Variants in GPRIN3 observed in about 807,000 individuals in gnomAD.
The protein encoded by GPRIN3 is G protein-regulated inducer of neurite outgrowth 3.
Under a neutral mutation model 13.7 loss-of-function variants are expected in GPRIN3, and 12 were observed. The ratio of observed to expected loss-of-function variants is 0.87; its 90% CI spans 0.56 to 1.42. The LOEUF is 1.42. Ranked by LOEUF, GPRIN3 falls within the 40% of genes most tolerant of loss-of-function variation. The pLI, the probability that GPRIN3 is intolerant of heterozygous loss-of-function variation, is 0.00. For missense variants in GPRIN3, 1,009 were observed against 958.7 expected, an observed-to-expected ratio of 1.05 and a Z score of -0.69; for synonymous variants, 377 against 372.7, an observed-to-expected ratio of 1.01 and a Z score of -0.13.
intron 1 of GPRIN3, among the ~76,000 whole-genome samples, chr4:89,267,233 G>A (rs1231774364): frequency 3.3e-5 from 5 of 152,126 alleles, no homozygotes; most frequent in Non-Finnish European, 5.9e-5. Flanking sequence ...TAAAACTTCC[G>A]AGTTAACCAC....
At position 89,247,827 on chromosome 4, in the gene GPRIN3, G is replaced by A. The variant is rs1180703495; in HGVS notation, c.2284C>T (p.Arg762Cys). 2.5e-6 allele frequency: 4 copies of A among 1,613,964 alleles called. No homozygotes were observed. Among genetic ancestry groups the A allele is most frequent in the Admixed American group, 1.7e-5 (1 of 60,028 alleles). ...GCAGGACGGACGCAGCAGTTGGGGC[G>A]TCGGAAGTTCTGCAGCATGGACTGG... Reference protein sequence around the residue: ...VFQSMLQNFRRPNCCVRPAPS... With the variant: ...VFQSMLQNFRCPNCCVRPAPS... Residue 762 changes from arginine to cysteine, a missense_variant, in exon 2 of 2, where the codon CGC becomes TGC. Physicochemically the swap from Arg to Cys is radical, Grantham distance 180. Coordinates refer to ENST00000609438, the MANE Select transcript of GPRIN3 (RefSeq NM_198281.3).
chr4:89,256,916 C>G (rs13142984), intron 1 of GPRIN3, among the ~76,000 whole-genome samples: 84,181 of 152,028 alleles, frequency 0.55, 23,688 homozygotes, highest in South Asian at 0.71. Flanking sequence ...TTGCCTGGAT[C>G]ATTTGCATTC....
intron 1 of GPRIN3, among the ~76,000 whole-genome samples, chr4:89,276,606 G>T (rs1487665182): frequency 6.6e-6 from 1 of 152,180 alleles, no homozygotes; most frequent in African/African-American, 2.4e-5. Flanking sequence ...TGAAATCCTT[G>T]AAAGGTAAAA....
chr4:89,272,974 G>A (rs1357574776), intron 1 of GPRIN3, among the ~76,000 whole-genome samples: 1 of 152,118 alleles, frequency 6.6e-6, no homozygotes, highest in Non-Finnish European at 1.5e-5. Context: ...AGCACATAGA[G>A]CTTTAGAAGT....
At chr4:89,269,918 G>A (rs1723881744) in intron 1 of GPRIN3, among the ~76,000 whole-genome samples, 1 of 152,124 alleles carries the variant, frequency 6.6e-6, no homozygotes, top group Non-Finnish European at 1.5e-5. Flanking sequence ...GAGAATAAAT[G>A]TCCTTTTAAC....
At chr4:89,254,089 C>G (rs1723402428) in intron 1 of GPRIN3, among the ~76,000 whole-genome samples, 1 of 150,102 alleles carries the variant, frequency 6.7e-6, no homozygotes, top group Non-Finnish European at 1.5e-5. Flanking sequence ...GGCCCCCAGA[C>G]TTAATGAGTC....
intron 1 of GPRIN3, among the ~76,000 whole-genome samples, chr4:89,275,016 T>C (rs1326321238): frequency 6.6e-6 from 1 of 152,122 alleles, no homozygotes; most frequent in Non-Finnish European, 1.5e-5. Context: ...TGTCACCAAA[T>C]ATGAACACTG....
chr4:89,281,575 C>T (rs902373523), intron 1 of GPRIN3, among the ~76,000 whole-genome samples: 2 of 152,136 alleles, frequency 1.3e-5, no homozygotes, highest in African/African-American at 2.4e-5. Context: ...CTGGGGATTA[C>T]ATTTCAACAT....
chr4:89,278,786 T>C (rs1561213693), intron 1 of GPRIN3, among the ~76,000 whole-genome samples: 1 of 152,228 alleles, frequency 6.6e-6, no homozygotes, highest in Non-Finnish European at 1.5e-5. Context: ...TATGTCTAAA[T>C]ATGGATTTGA....
Position 89,244,840 on chromosome 4 carries a change from T to C in GPRIN3, c.*2940A>G, listed in dbSNP as rs889629566. 1 of 152,224 alleles carries C rather than the reference T, an allele frequency of 6.6e-6. No individual in the cohort carries two copies. Among genetic ancestry groups the C allele is most frequent in the Non-Finnish European group, 1.5e-5 (1 of 68,020 alleles). 9.4% of individuals were successfully genotyped at this position (152,224 alleles called of 1,614,324 possible). On this transcript the variant is annotated 3_prime_UTR_variant, in exon 2 of 2. Coordinates refer to ENST00000609438, the MANE Select transcript of GPRIN3 (RefSeq NM_198281.3). The stretch of plus-strand genomic sequence containing the variant: ...TTTTCTATTTCTTGATTCAATAAAA[T>C]ATTTCCTCCATATATTTCAAAAATA...
chr4:89,270,575 A>ATATATATAT (rs1553951338), intron 1 of GPRIN3, among the ~76,000 whole-genome samples: 2 of 97,380 alleles, frequency 2.1e-5, no homozygotes, highest in African/African-American at 1.3e-4. Flanking sequence ...TTATATATAT[A>ATATATATAT]TATATATATA....
intron 1 of GPRIN3, among the ~76,000 whole-genome samples, chr4:89,296,985 T>G (rs1444447520): frequency 6.6e-6 from 1 of 152,178 alleles, no homozygotes; most frequent in Non-Finnish European, 1.5e-5. Context: ...GTCCTTACAT[T>G]TTGACCCACT....
At chr4:89,297,741 T>A (rs1450499600) in intron 1 of GPRIN3, among the ~76,000 whole-genome samples, 4 of 152,166 alleles carry the variant, frequency 2.6e-5, no homozygotes, top group Non-Finnish European at 5.9e-5. Context: ...CATGGGATAT[T>A]TCACAGAGCA....
At chr4:89,258,292 C>A (rs1350635618) in intron 1 of GPRIN3, among the ~76,000 whole-genome samples, 4 of 151,702 alleles carry the variant, frequency 2.6e-5, no homozygotes, top group African/African-American at 7.3e-5. Context: ...TGGTGCCAAC[C>A]TGCAACCTCC....
chr4:89,279,370 C>A (rs1724182573), intron 1 of GPRIN3, among the ~76,000 whole-genome samples: 1 of 152,140 alleles, frequency 6.6e-6, no homozygotes, highest in Non-Finnish European at 1.5e-5. Context: ...TCTATAGAGC[C>A]CATGTGTTCC....
chr4:89,270,303 GC>G (rs1401173763), intron 1 of GPRIN3, among the ~76,000 whole-genome samples: 1 of 150,552 alleles, frequency 6.6e-6, no homozygotes, highest in Non-Finnish European at 1.5e-5. Context: ...AAGTCTCTCT[GC>G]AATTCTCTTT....
rs1172143947 is a variant in GPRIN3, at chr4:89,250,076, T to A, written c.35A>T (p.Lys12Ile). ...TCCGGAAGCTGCAATCAGGGAAGTT[T>A]TAGCTGATCTCAGAGGGTCAGGTAC... ...GTVPDPLRSAKTSLIAASGKE... is the reference protein window; with the variant it reads ...GTVPDPLRSAITSLIAASGKE... Residue 12 changes from lysine to isoleucine, a missense_variant, in exon 2 of 2, where the codon AAA becomes ATA. Transcript: ENST00000609438. 6.2e-7 allele frequency: 1 copy of A among 1,613,872 alleles called. No individual in the cohort carries two copies. The highest frequency in any genetic ancestry group is 1.1e-5 in the South Asian group (1 of 91,070).
intron 1 of GPRIN3, among the ~76,000 whole-genome samples, chr4:89,255,093 C>G (rs1723432004): frequency 6.6e-6 from 1 of 152,158 alleles, no homozygotes; most frequent in Non-Finnish European, 1.5e-5. Context: ...AGAGTACTGA[C>G]AGTAGACTTC....
At chr4:89,264,211 T>C (rs1368792014) in intron 1 of GPRIN3, among the ~76,000 whole-genome samples, 2 of 152,146 alleles carry the variant, frequency 1.3e-5, no homozygotes, top group East Asian at 3.9e-4. Flanking sequence ...CCCTTGCAGA[T>C]GAATGAGTTC....
Sources: allele counts gnomAD v4.1 joint callset (sites outside exome capture counted in the v4.1 genomes callset), GRCh38; gene constraint gnomAD v4.1.1; transcripts MANE v1.5; gene names NCBI Gene and HGNC (gene_info 2026-07-23, HGNC 2026-07-21).